Variants in NELL1 observed in about 807,000 individuals in gnomAD.
NELL1 encodes protein kinase C-binding protein NELL1.
In NELL1, 76 loss-of-function variants were observed where a neutral mutation model predicts 107.4. The observed-to-expected ratio is 0.71, with a 90% CI of 0.59 to 0.86. The LOEUF (loss-of-function observed/expected upper bound fraction) is 0.86. Ranked by LOEUF, NELL1 falls within the 40% of genes least tolerant of loss-of-function variation. The probability of loss-of-function intolerance (pLI) is 0.00; values close to 1 mark genes in which losing one functional copy is unlikely to be tolerated. For synonymous variants in NELL1, 353 were observed against 341.2 expected (o/e 1.03, Z -0.38); for missense variants, 1,024 against 1,005.5 (o/e 1.02, Z -0.25).
chr11:21,102,797 T>C (rs926360673), intron 12 of NELL1, among the ~76,000 whole-genome samples: 5 of 152,180 alleles, frequency 3.3e-5, no homozygotes, highest in African/African-American at 1.2e-4. Flanking sequence ...TTATTATGCA[T>C]TTAAAATTGT....
intron 10 of NELL1, among the ~76,000 whole-genome samples, chr11:20,946,488 A>G (rs1850964637): frequency 6.6e-6 from 1 of 152,246 alleles, no homozygotes; most frequent in Non-Finnish European, 1.5e-5. Flanking sequence ...GTAAGGTCAT[A>G]AAGATTCACC....
At chr11:20,902,406 T>G (rs1456950772) in intron 5 of NELL1, among the ~76,000 whole-genome samples, 1 of 152,014 alleles carries the variant, frequency 6.6e-6, no homozygotes, top group African/African-American at 2.4e-5. Flanking sequence ...AAATGCAAAT[T>G]AAAACCATTA....
At chr11:20,920,005 T>C (rs1269333596) in intron 7 of NELL1, among the ~76,000 whole-genome samples, 1 of 152,156 alleles carries the variant, frequency 6.6e-6, no homozygotes, top group Admixed American at 6.6e-5. Context: ...GATATGTTCA[T>C]ACTGAGTGGC....
In NELL1 at chr11:20,777,717, C is replaced by T. The variant is rs1397077815; in HGVS notation, c.185-5963C>T. Among the ~76,000 whole-genome samples, 4 of 152,312 alleles carry T rather than the reference C, an allele frequency of 2.6e-5. No individual in the cohort carries two copies. In the East Asian group the frequency reaches 7.7e-4, roughly 29 times the overall value. ...GGCACTCAGGCTAGAAGGTTGTGGCCTGTCTATATCAGGAGTTTGCTATAT... is the reference window on the plus strand; with the variant it reads ...GGCACTCAGGCTAGAAGGTTGTGGCTTGTCTATATCAGGAGTTTGCTATAT... On this transcript the variant is annotated intron_variant, in intron 2 of 19. Coordinates refer to ENST00000357134, the MANE Select transcript of NELL1 (RefSeq NM_006157.5).
intron 15 of NELL1, among the ~76,000 whole-genome samples, chr11:21,434,910 A>G (rs1945417): frequency 0.028 from 4,270 of 152,038 alleles, 115 homozygotes; most frequent in African/African-American, 0.072. Context: ...GGTTACATTT[A>G]TTCTTAGTTA....
At chr11:21,386,761 C>T (rs184481140) in intron 15 of NELL1, among the ~76,000 whole-genome samples, 1 of 152,034 alleles carries the variant, frequency 6.6e-6, no homozygotes, top group Admixed American at 6.6e-5. Flanking sequence ...TCCATAAATT[C>T]TATGCCTTCG....
intron 14 of NELL1, among the ~76,000 whole-genome samples, chr11:21,303,596 G>T (rs113450805): frequency 1.4e-4 from 22 of 152,126 alleles, no homozygotes; most frequent in African/African-American, 5.1e-4. Flanking sequence ...AGAAAACAGC[G>T]TGGAGATTTC....
intron 2 of NELL1, among the ~76,000 whole-genome samples, chr11:20,711,304 G>T (rs554010988): frequency 6.6e-6 from 1 of 152,204 alleles, no homozygotes; most frequent in East Asian, 1.9e-4. Flanking sequence ...TCAAACAGTG[G>T]ATACTTGGTT....
intron 3 of NELL1, among the ~76,000 whole-genome samples, chr11:20,839,109 C>T (rs1235875435): frequency 6.6e-6 from 1 of 151,888 alleles, no homozygotes; most frequent in African/African-American, 2.4e-5. Context: ...TCTATCTTAA[C>T]TTGCCTGAAG....
chr11:21,204,200 A>G (rs1225680726), intron 13 of NELL1, among the ~76,000 whole-genome samples: 1 of 152,088 alleles, frequency 6.6e-6, no homozygotes, highest in African/African-American at 2.4e-5. Context: ...TATCCTGCAG[A>G]GTGTTTTCCA....
chr11:21,529,444 A>C (rs1370232332), intron 15 of NELL1, among the ~76,000 whole-genome samples: 2 of 152,218 alleles, frequency 1.3e-5, no homozygotes, highest in Admixed American at 1.3e-4. Flanking sequence ...TGTTATGTTC[A>C]GTACAATTCT....
At chr11:20,768,494 T>G (rs943015221) in intron 2 of NELL1, among the ~76,000 whole-genome samples, 1 of 152,224 alleles carries the variant, frequency 6.6e-6, no homozygotes, top group Non-Finnish European at 1.5e-5. Context: ...AATGCTGCCC[T>G]CCTTCCCAGT....
chr11:20,955,259 T>G (rs1439848070), intron 11 of NELL1, among the ~76,000 whole-genome samples: 1 of 152,230 alleles, frequency 6.6e-6, no homozygotes, highest in African/African-American at 2.4e-5. Context: ...ACTCTTGCTC[T>G]GATTTTTGAC....
At chr11:21,156,580 A>G (rs112459145) in intron 13 of NELL1, among the ~76,000 whole-genome samples, 293 of 152,270 alleles carry the variant, frequency 1.9e-3, no homozygotes, top group African/African-American at 6.5e-3. Context: ...AGGGTACTGG[A>G]TTGAAGATTC....
chr11:20,773,007 C>G (rs1856669578), intron 2 of NELL1, among the ~76,000 whole-genome samples: 1 of 152,200 alleles, frequency 6.6e-6, no homozygotes, highest in South Asian at 2.1e-4. Context: ...AATTGGCTGG[C>G]TGGACTTAGA....
intron 17 of NELL1, among the ~76,000 whole-genome samples, chr11:21,568,218 T>G (rs1857016527): frequency 6.6e-6 from 1 of 151,786 alleles, no homozygotes; most frequent in Non-Finnish European, 1.5e-5. Context: ...TGTAACACAG[T>G]GGTGAGTATT....
At chr11:20,787,671 A>G (rs1176073823) in intron 3 of NELL1, among the ~76,000 whole-genome samples, 1 of 152,214 alleles carries the variant, frequency 6.6e-6, no homozygotes, top group Non-Finnish European at 1.5e-5. Flanking sequence ...AGTGATGAAG[A>G]TAAGTTAAAT....
chr11:21,298,781 TAAAC>T (rs1041611270), intron 14 of NELL1, among the ~76,000 whole-genome samples: 10 of 151,876 alleles, frequency 6.6e-5, no homozygotes, highest in African/African-American at 2.4e-4. Flanking sequence ...TTCAAGTAAA[TAAAC>T]AGCAGCAGCA....
intron 5 of NELL1, among the ~76,000 whole-genome samples, chr11:20,903,366 T>G (rs2134135295): frequency 6.6e-6 from 1 of 152,238 alleles, no homozygotes; most frequent in East Asian, 1.9e-4. Flanking sequence ...TGACTGGTTC[T>G]CAGTCCTGAA....
Sources: gnomAD v4.1 joint callset for allele counts (sites outside exome capture counted in the v4.1 genomes callset) on GRCh38, gnomAD v4.1.1 for gene constraint, MANE v1.5 for transcripts, NCBI Gene and HGNC (gene_info 2026-07-23, HGNC 2026-07-21) for gene names.